Variants in TENM2 observed in about 807,000 individuals in gnomAD.
TENM2 encodes teneurin transmembrane protein 2.
A neutral mutation model predicts 245.2 loss-of-function variants in TENM2; 52 were observed. The observed-to-expected ratio is 0.21, with a 90% confidence interval of 0.17 to 0.27. The LOEUF is 0.27. TENM2 is among the 10% of genes least tolerant of loss of function. The pLI, the probability that TENM2 is intolerant of heterozygous loss-of-function variation, is 1.00. For missense variants in TENM2, 3,046 were observed against 3,666.8 expected, an observed-to-expected ratio of 0.83 and a Z score of 4.37; for synonymous variants, 1,363 against 1,438.9, an observed-to-expected ratio of 0.95 and a Z score of 1.19.
chr5:168,069,518 A>G (rs987514742), intron 7 of TENM2, among the ~76,000 whole-genome samples: 3 of 152,180 alleles, frequency 2.0e-5, no homozygotes, highest in Admixed American at 1.3e-4. Context: ...GTCTAAACCC[A>G]CTTGGAATAA....
chr5:167,962,258 A>C (rs1012747263), intron 4 of TENM2, among the ~76,000 whole-genome samples: 1 of 152,002 alleles, frequency 6.6e-6, no homozygotes, highest in Non-Finnish European at 1.5e-5. Flanking sequence ...ATTGGTGGGA[A>C]GATAGGAGTG....
chr5:167,808,935 T>A (rs1178162534), intron 2 of TENM2, among the ~76,000 whole-genome samples: 6 of 152,210 alleles, frequency 3.9e-5, no homozygotes, highest in Non-Finnish European at 8.8e-5. Context: ...TGTATCATTG[T>A]TTTATGTATG....
At chr5:168,010,028 C>G (rs183889751) in intron 5 of TENM2, among the ~76,000 whole-genome samples, 6 of 152,318 alleles carry the variant, frequency 3.9e-5, no homozygotes, top group East Asian at 3.9e-4. Flanking sequence ...ACCCCTGAAG[C>G]CTGCAGCTCC....
chr5:168,245,624 G>T (rs1370839753), intron 26 of TENM2, among the ~76,000 whole-genome samples: 3 of 150,902 alleles, frequency 2.0e-5, no homozygotes, highest in African/African-American at 7.3e-5. Context: ...ACTTTTGAAG[G>T]CTGCCCTGGC....
At chr5:168,253,635 C>T (rs886864171) in intron 27 of TENM2, among the ~76,000 whole-genome samples, 19 of 152,078 alleles carry the variant, frequency 1.2e-4, no homozygotes, top group Admixed American at 3.3e-4. Context: ...CCGTGTTAGC[C>T]AGGATGGTCT....
At chr5:168,079,291 A>G (rs1791763061) in intron 7 of TENM2, among the ~76,000 whole-genome samples, 1 of 152,244 alleles carries the variant, frequency 6.6e-6, no homozygotes, top group South Asian at 2.1e-4. Context: ...GTATCCTGAG[A>G]CTTTGCTGAA....
At chr5:167,815,062 C>T (rs146887694) in intron 2 of TENM2, among the ~76,000 whole-genome samples, 6 of 152,292 alleles carry the variant, frequency 3.9e-5, no homozygotes, top group Non-Finnish European at 8.8e-5. Context: ...CAGCAGAATT[C>T]CTGTGGCTCT....
chr5:167,344,309 C>CATAT (rs1298761207), intron 1 of TENM2, among the ~76,000 whole-genome samples: 4,287 of 84,342 alleles, frequency 0.051, 271 homozygotes, highest in African/African-American at 0.13. Flanking sequence ...CACACACACA[C>CATAT]ATATATATAT....
the TENM2 span, among the ~76,000 whole-genome samples, chr5:167,046,943 A>G: frequency 6.6e-6 from 1 of 150,902 alleles, no homozygotes; most frequent in East Asian, 2.0e-4. Flanking sequence ...CTTAGGAGTG[A>G]GAACATGCAC....
At chr5:167,645,589 CTTT>C (rs11299140) in intron 2 of TENM2, among the ~76,000 whole-genome samples, 3 of 136,362 alleles carry the variant, frequency 2.2e-5, no homozygotes, top group African/African-American at 2.6e-5. Flanking sequence ...CTAGTTTTTC[CTTT>C]TTTTTTTTTT....
At chr5:167,913,760 A>G (rs1776721161) in intron 3 of TENM2, among the ~76,000 whole-genome samples, 1 of 152,226 alleles carries the variant, frequency 6.6e-6, no homozygotes, top group Non-Finnish European at 1.5e-5. Flanking sequence ...AACTACTGTG[A>G]TGCCCACCTA....
intron 2 of TENM2, among the ~76,000 whole-genome samples, chr5:167,822,383 T>A (rs1478497784): frequency 6.6e-6 from 1 of 152,176 alleles, no homozygotes; most frequent in Non-Finnish European, 1.5e-5. Context: ...TGCAGGGAAA[T>A]GCAATACTTC....
intron 1 of TENM2, among the ~76,000 whole-genome samples, chr5:167,356,388 G>A (rs1759337081): frequency 6.6e-6 from 1 of 151,914 alleles, no homozygotes. Context: ...GCATCCTAAG[G>A]CAGTGGGCTT....
chr5:167,872,548 G>GAA (rs1313191288), intron 2 of TENM2, among the ~76,000 whole-genome samples: 1,354 of 64,998 alleles, frequency 0.021, 25 homozygotes, highest in Middle Eastern at 0.067. Context: ...AAGAAAGAAA[G>GAA]AGAAAGAAAG....
At chr5:167,707,218 A>G (rs1002325365) in intron 2 of TENM2, among the ~76,000 whole-genome samples, 13 of 151,946 alleles carry the variant, frequency 8.6e-5, no homozygotes, top group Non-Finnish European at 1.8e-4. Flanking sequence ...TTCTTTGGAG[A>G]AATATCTATT....
At chr5:167,428,325 C>T (rs374202513) in intron 2 of TENM2, among the ~76,000 whole-genome samples, 1 of 152,116 alleles carries the variant, frequency 6.6e-6, no homozygotes, top group African/African-American at 2.4e-5. Flanking sequence ...ATAAATACAA[C>T]CAAATTTTAG....
chr5:167,477,394 A>G (rs1351409791), intron 2 of TENM2, among the ~76,000 whole-genome samples: 2 of 151,506 alleles, frequency 1.3e-5, no homozygotes, highest in African/African-American at 4.8e-5. Flanking sequence ...ATGCATAAAC[A>G]TTATAATAAA....
chr5:167,966,501 A>G (rs1213793974), intron 4 of TENM2, among the ~76,000 whole-genome samples: 1 of 152,176 alleles, frequency 6.6e-6, no homozygotes. Context: ...AGAATTTTTA[A>G]AAACACACTT....
At chr5:167,432,229 A>T (rs966418755) in intron 2 of TENM2, among the ~76,000 whole-genome samples, 3 of 151,702 alleles carry the variant, frequency 2.0e-5, no homozygotes, top group Admixed American at 2.0e-4. Flanking sequence ...GTGAACTCGT[A>T]TTTAAATCTG....
Sources: allele counts gnomAD v4.1 joint callset (sites outside exome capture counted in the v4.1 genomes callset), GRCh38; gene constraint gnomAD v4.1.1; transcripts MANE v1.5; gene names NCBI Gene and HGNC (gene_info 2026-07-23, HGNC 2026-07-21).